Variants in NKAIN2 observed in about 807,000 individuals in gnomAD.
NKAIN2 encodes sodium/potassium transporting ATPase interacting 2, also known as sodium/potassium-transporting ATPase subunit beta-1-interacting protein 2.
NKAIN2 carries 14 observed loss-of-function variants against 32.6 expected under a neutral mutation model. The observed-to-expected ratio is 0.43, with a 90% confidence interval of 0.28 to 0.67. The LOEUF (loss-of-function observed/expected upper bound fraction) is 0.67. Among genes scored for constraint, NKAIN2 ranks in the 30% least tolerant of loss-of-function variants. NKAIN2 has a pLI of 0.17. For synonymous variants in NKAIN2, 80 were observed against 87.2 expected (o/e 0.92, Z 0.46); for missense variants, 198 against 258.3 (o/e 0.77, Z 1.60).
At chr6:124,140,663 T>C (rs1187319252) in intron 1 of NKAIN2, among the ~76,000 whole-genome samples, 1 of 152,202 alleles carries the variant, frequency 6.6e-6, no homozygotes, top group African/African-American at 2.4e-5. Flanking sequence ...TCTGCACCAG[T>C]TGACTGTTCA....
At chr6:124,710,678 G>C (rs1194410123) in intron 4 of NKAIN2, among the ~76,000 whole-genome samples, 1 of 148,724 alleles carries the variant, frequency 6.7e-6, no homozygotes, top group South Asian at 2.2e-4. Flanking sequence ...TTTTCCATTT[G>C]CTTGGTAGAT....
At chr6:124,767,696 G>T (rs996464877) in intron 4 of NKAIN2, among the ~76,000 whole-genome samples, 2 of 152,232 alleles carry the variant, frequency 1.3e-5, no homozygotes, top group East Asian at 1.9e-4. Context: ...TTTCACTGTT[G>T]TTCTCTCCTT....
intron 3 of NKAIN2, among the ~76,000 whole-genome samples, chr6:124,583,571 C>G (rs1030680318): frequency 6.6e-6 from 1 of 152,072 alleles, no homozygotes; most frequent in Admixed American, 6.6e-5. Context: ...TCAATGTGAT[C>G]CCTTTCAAAA....
At chr6:124,273,882 T>C (rs150214403) in intron 1 of NKAIN2, among the ~76,000 whole-genome samples, 339 of 152,354 alleles carry the variant, frequency 2.2e-3, no homozygotes, top group African/African-American at 7.7e-3. Flanking sequence ...ACCTGTCATG[T>C]ACTTTGAGTG....
intron 5 of NKAIN2, 136 bp downstream of exon 5, chr6:124,791,535 C>G: frequency 2.0e-6 from 1 of 511,972 alleles, no homozygotes; most frequent in Non-Finnish European, 3.5e-6. Flanking sequence ...TTGTGCCCAT[C>G]AGACTAAAGT....
At chr6:124,168,056 C>T (rs115815198) in intron 1 of NKAIN2, among the ~76,000 whole-genome samples, 1,538 of 152,254 alleles carry the variant, frequency 0.01, 23 homozygotes, top group South Asian at 0.041. Context: ...CATTATTTGT[C>T]ATTACATTTG....
intron 3 of NKAIN2, among the ~76,000 whole-genome samples, chr6:124,395,846 T>C (rs962371946): frequency 6.6e-6 from 1 of 152,148 alleles, no homozygotes. Context: ...GCTGAAAATA[T>C]TGTTATATGT....
chr6:123,883,708 T>A (rs1186826653), intron 1 of NKAIN2, among the ~76,000 whole-genome samples: 1 of 150,130 alleles, frequency 6.7e-6, no homozygotes, highest in East Asian at 2.0e-4. Flanking sequence ...CCAGGCAATT[T>A]AAAAAAGAGG....
At chr6:124,078,464 C>A (rs185598063) in intron 1 of NKAIN2, among the ~76,000 whole-genome samples, 1 of 152,086 alleles carries the variant, frequency 6.6e-6, no homozygotes, top group Non-Finnish European at 1.5e-5. Context: ...TTATTGAGCT[C>A]ATTTTACAGA....
intron 2 of NKAIN2, among the ~76,000 whole-genome samples, chr6:124,330,602 A>G (rs1296019573): frequency 6.6e-6 from 1 of 152,204 alleles, no homozygotes; most frequent in Non-Finnish European, 1.5e-5. Flanking sequence ...CCTGAGCAAG[A>G]ACTTGACTGT....
At chr6:124,466,682 C>G (rs956971589) in intron 3 of NKAIN2, among the ~76,000 whole-genome samples, 3 of 151,122 alleles carry the variant, frequency 2.0e-5, no homozygotes. Flanking sequence ...CTGCAGGCAT[C>G]CTGTAACATT....
intron 3 of NKAIN2, among the ~76,000 whole-genome samples, chr6:124,366,189 C>G (rs1437268652): frequency 6.6e-6 from 1 of 151,914 alleles, no homozygotes; most frequent in Non-Finnish European, 1.5e-5. Context: ...AGCCAAATTG[C>G]TTTTTAGTGT....
intron 1 of NKAIN2, among the ~76,000 whole-genome samples, chr6:123,888,450 A>C (rs980218365): frequency 6.6e-6 from 1 of 152,122 alleles, no homozygotes; most frequent in African/African-American, 2.4e-5. Context: ...GTACAGAAGG[A>C]GCATAAGGGA....
At chr6:124,568,822 CAAAAAAAAA>C (rs3053601) in intron 3 of NKAIN2, among the ~76,000 whole-genome samples, 56 of 80,506 alleles carry the variant, frequency 7.0e-4, no homozygotes, top group African/African-American at 3.0e-3. Flanking sequence ...AGCACTGTGG[CAAAAAAAAA>C]AAAAAAAAAA....
At chr6:124,776,864 T>G (rs982931718) in intron 4 of NKAIN2, among the ~76,000 whole-genome samples, 1 of 152,184 alleles carries the variant, frequency 6.6e-6, no homozygotes, top group Non-Finnish European at 1.5e-5. Flanking sequence ...ATCAGTTACT[T>G]ACATTTAGCA....
intron 1 of NKAIN2, among the ~76,000 whole-genome samples, chr6:124,267,899 T>G (rs1225686926): frequency 6.6e-6 from 1 of 152,206 alleles, no homozygotes; most frequent in African/African-American, 2.4e-5. Context: ...AATAAGAACT[T>G]TAAAAAGACT....
chr6:124,740,781 A>C (rs1777171106), intron 4 of NKAIN2, among the ~76,000 whole-genome samples: 1 of 151,838 alleles, frequency 6.6e-6, no homozygotes. Flanking sequence ...ACAAATTTGG[A>C]GAAGAAACCA....
At chr6:124,070,655 A>C (rs1236518969) in intron 1 of NKAIN2, among the ~76,000 whole-genome samples, 1 of 152,092 alleles carries the variant, frequency 6.6e-6, no homozygotes, top group African/African-American at 2.4e-5. Flanking sequence ...TGACTATCAC[A>C]CCTAAGTTCA....
intron 1 of NKAIN2, among the ~76,000 whole-genome samples, chr6:124,001,800 A>AATAT (rs10567719): frequency 0.075 from 10,081 of 134,802 alleles, 390 homozygotes; most frequent in South Asian, 0.085. Context: ...CTTAGTTCTA[A>AATAT]ATATATATAT....
Sources: gnomAD v4.1 joint callset for allele counts (sites outside exome capture counted in the v4.1 genomes callset) on GRCh38, gnomAD v4.1.1 for gene constraint, MANE v1.5 for transcripts, NCBI Gene and HGNC (gene_info 2026-07-23, HGNC 2026-07-21) for gene names.